SCAPER: variants seen among roughly 807,000 people sequenced by gnomAD.
The protein encoded by SCAPER is S phase cyclin A-associated protein in the endoplasmic reticulum.
In SCAPER, 98 loss-of-function variants were observed where a neutral mutation model predicts 182.2. The ratio of observed to expected loss-of-function variants is 0.54; its 90% confidence interval spans 0.46 to 0.64. SCAPER has a LOEUF of 0.64. Among genes scored for constraint, SCAPER ranks in the 30% least tolerant of loss-of-function variants. The probability of loss-of-function intolerance (pLI) is 0.00; values close to 1 mark genes in which losing one functional copy is unlikely to be tolerated. For missense variants in SCAPER, 1,432 were observed against 1,690.0 expected (o/e 0.85, Z 2.68); for synonymous variants, 605 against 564.6 (o/e 1.07, Z -1.01).
Position 76,542,756 on chromosome 15 carries a change from G to T in SCAPER, c.2838+31402C>A, listed in dbSNP as rs1326116990. 3.9e-5 allele frequency among the ~76,000 whole-genome samples: 6 copies of T among 152,056 alleles called. No homozygotes were observed. In the East Asian group the frequency reaches 1.2e-3, roughly 29 times the overall value. On this transcript the variant is annotated intron_variant, in intron 23 of 31. Transcript: ENST00000563290. ...CTTGGGGTAGCTAAGTCATGGTTAT[G>T]AAACACAACTGTGTTTTACTTGAAA...
At chr15:76,845,955 T>C (rs917872520) in intron 4 of SCAPER, among the ~76,000 whole-genome samples, 1 of 151,806 alleles carries the variant, frequency 6.6e-6, no homozygotes, top group Non-Finnish European at 1.5e-5. Flanking sequence ...ACTAAAGAAC[T>C]ATAGTAACTC....
intron 23 of SCAPER, among the ~76,000 whole-genome samples, chr15:76,560,683 T>C (rs528941872): frequency 5.3e-5 from 8 of 152,306 alleles, no homozygotes; most frequent in South Asian, 2.1e-4. Context: ...GGGAATGGAA[T>C]AGAAAATAAG....
chr15:76,651,251 C>CG (rs778032068), intron 21 of SCAPER, among the ~76,000 whole-genome samples: 2 of 151,760 alleles, frequency 1.3e-5, no homozygotes, highest in Non-Finnish European at 2.9e-5. Flanking sequence ...GACCAGAGAT[C>CG]GGGGGGAACG....
At chr15:76,890,874 A>G (rs1198634083) in intron 1 of SCAPER, among the ~76,000 whole-genome samples, 1 of 152,218 alleles carries the variant, frequency 6.6e-6, no homozygotes, top group Non-Finnish European at 1.5e-5. Context: ...AAAAAAGAGA[A>G]TTTTAGACCA....
intron 23 of SCAPER, among the ~76,000 whole-genome samples, chr15:76,549,041 A>G (rs111260954): frequency 1.9e-4 from 29 of 152,262 alleles, no homozygotes; most frequent in Admixed American, 1.4e-3. Flanking sequence ...TTTGCAATCT[A>G]CTCATCTGAC....
chr15:76,423,266 G>A lies in SCAPER; in HGVS notation c.3311+10812C>T, dbSNP rs146520062. 8.4e-3 allele frequency among the ~76,000 whole-genome samples: 1,277 copies of A among 152,210 alleles called. 13 individuals carry two copies. Among genetic ancestry groups the A allele is most frequent in the African/African-American group, 0.029 (1,211 of 41,540 alleles). On this transcript the variant is annotated intron_variant, in intron 26 of 31. Transcript: ENST00000563290. ...TCTGGTCCTGGACTTTTTTTGGTTC[G>A]TAGGCTATTAATTATTGCCTCAATT...
At chr15:76,756,236 T>G (rs1226133105) in intron 14 of SCAPER, among the ~76,000 whole-genome samples, 3 of 78,076 alleles carry the variant, frequency 3.8e-5, no homozygotes, top group Admixed American at 3.9e-4. Context: ...AGAGCCAGAC[T>G]CCGTCTCAAA....
intron 15 of SCAPER, among the ~76,000 whole-genome samples, chr15:76,752,835 C>T (rs1390235755): frequency 6.6e-6 from 1 of 151,362 alleles, no homozygotes; most frequent in Non-Finnish European, 1.5e-5. Flanking sequence ...GCATTAAAAC[C>T]ACTGAATTGT....
At chr15:76,522,308 G>T (rs2042895647) in intron 23 of SCAPER, among the ~76,000 whole-genome samples, 1 of 152,100 alleles carries the variant, frequency 6.6e-6, no homozygotes, top group African/African-American at 2.4e-5. Context: ...TTTGAATTTG[G>T]TGGAGAGATA....
In SCAPER at chr15:76,673,949, CTA is replaced by C. The variant is rs202177132; in HGVS notation, c.2509-8162_2509-8161del. On this transcript the variant is annotated intron_variant, in intron 20 of 31. Transcript: ENST00000563290. ...TTAAATCCATCAATTCATAATTTAT[CTA>C]TACACACACACACACACACACACAC... Among the ~76,000 whole-genome samples the C allele has an allele frequency of 6.4e-3, 517 of 80,838 alleles. 2 individuals carry two copies. The highest frequency in any genetic ancestry group is 0.019 in the East Asian group (40 of 2,154). The allele number at this position is 80,838 out of a possible 152,430, so 53.0% of individuals were successfully genotyped here. A position where few individuals can be genotyped will look rare whatever the true frequency, so the allele number is the denominator to read the frequency against.
intron 20 of SCAPER, among the ~76,000 whole-genome samples, chr15:76,667,048 C>A (rs1254407382): frequency 3.3e-5 from 5 of 152,194 alleles, no homozygotes; most frequent in Non-Finnish European, 7.3e-5. Context: ...CAGCTACTAT[C>A]CTTTTGTACC....
chr15:76,351,623 C>G (rs2040554687), intron 30 of SCAPER, among the ~76,000 whole-genome samples: 1 of 152,074 alleles, frequency 6.6e-6, no homozygotes. Context: ...TATGAAAGCT[C>G]TATGTATTCT....
At chr15:76,499,634 G>A (rs1434584285) in intron 24 of SCAPER, among the ~76,000 whole-genome samples, 2 of 152,136 alleles carry the variant, frequency 1.3e-5, no homozygotes, top group Non-Finnish European at 2.9e-5. Flanking sequence ...TACAGCAGAC[G>A]GAGTACTTGG....
intron 21 of SCAPER, among the ~76,000 whole-genome samples, chr15:76,622,922 C>T (rs372924697): frequency 4.6e-5 from 7 of 152,298 alleles, no homozygotes; most frequent in African/African-American, 1.4e-4. Flanking sequence ...GTGGATCTCT[C>T]ATTAACAGCC....
chr15:76,368,452 G>A lies in SCAPER; in HGVS notation c.3855+7710C>T, dbSNP rs188465578. Among the ~76,000 whole-genome samples the A allele has an allele frequency of 2.1e-3, 325 of 152,338 alleles. 1 individual carries two copies. The highest frequency in any genetic ancestry group is 3.5e-3 in the Non-Finnish European group (240 of 68,036). ...ATTTGTAGTCAAATTAACGTTTGGC[G>A]TTTCTCACTAAGTCACTGAGTTACA... On this transcript the variant is annotated intron_variant, in intron 29 of 31. Coordinates refer to ENST00000563290, the MANE Select transcript of SCAPER (RefSeq NM_020843.4).
chr15:76,851,789 A>G (rs1380483462), intron 4 of SCAPER, among the ~76,000 whole-genome samples: 1 of 152,208 alleles, frequency 6.6e-6, no homozygotes, highest in African/African-American at 2.4e-5. Flanking sequence ...ACAAGCCAGC[A>G]TAATAACCAG....
At position 76,574,237 on chromosome 15, in the gene SCAPER, T is replaced by A; in HGVS notation, c.2759A>T (p.Asp920Val). 6.2e-7 allele frequency: 1 copy of A among 1,612,018 alleles called. No homozygotes were observed. Among genetic ancestry groups the A allele is most frequent in the Middle Eastern group, 1.7e-4 (1 of 6,054 alleles). ...TTTATTGTTTGCCCATGAGCCACTG[T>A]CTTGAACTTGTACTTGTTTTAGAAG... The part of the protein sequence containing the change: ...KDLLKQVQVQ[D>V]SGSWANNKVS... The change falls in exon 23 of 32, where the codon GAC becomes GTC. Residue 920 changes from aspartate (D) to valine (V), a missense_variant. Asp to Val is a radical substitution (Grantham distance 152). Transcript: ENST00000563290.
intron 5 of SCAPER, among the ~76,000 whole-genome samples, chr15:76,813,227 T>TAAAAAAAAAAAAAAAAAAA (rs746891532): frequency 1.2e-4 from 2 of 17,284 alleles, no homozygotes; most frequent in African/African-American, 2.3e-4. Context: ...ATCCTTTCAC[T>TAAAAAAAAAAAAAAAAAAA]AAAAAAAAAA....
At chr15:76,837,401 G>C (rs1168915292) in intron 5 of SCAPER, among the ~76,000 whole-genome samples, 1 of 152,166 alleles carries the variant, frequency 6.6e-6, no homozygotes, top group Non-Finnish European at 1.5e-5. Context: ...GAAAACTTAT[G>C]ATCATGGTGG....
Sources: gnomAD v4.1 joint callset for allele counts (sites outside exome capture counted in the v4.1 genomes callset) on GRCh38, gnomAD v4.1.1 for gene constraint, MANE v1.5 for transcripts, NCBI Gene and HGNC (gene_info 2026-07-23, HGNC 2026-07-21) for gene names.